Variants in KATNB1 observed in about 807,000 individuals in gnomAD.
The protein encoded by KATNB1 is katanin p80 WD40 repeat-containing subunit B1.
KATNB1 carries 38 observed loss-of-function variants against 82.3 expected under a neutral mutation model. That is an observed-to-expected ratio of 0.46 (90% CI 0.36 to 0.61). The LOEUF is 0.61. Among genes scored for constraint, KATNB1 ranks in the 20% least tolerant of loss-of-function variants. The pLI is 0.00. For synonymous variants in KATNB1, 361 were observed against 368.7 expected, an observed-to-expected ratio of 0.98 and a Z score of 0.24; for missense variants, 749 against 915.7, an observed-to-expected ratio of 0.82 and a Z score of 2.35.
intron 19 of KATNB1, 62 bp downstream of exon 19, chr16:57,756,534 G>A (rs2049285277): frequency 7.0e-7 from 1 of 1,431,426 alleles, no homozygotes; most frequent in Admixed American, 1.7e-5. Flanking sequence ...CAAAGGCCTG[G>A]AGGCCTGGGC....
rs537560681 is a variant in KATNB1 at position 57,754,036 on chromosome 16, C to T, written c.1228+41C>T. 1.3e-5 allele frequency: 20 copies of T among 1,538,056 alleles called. No homozygotes were observed. In the South Asian group the frequency reaches 1.7e-4, roughly 13 times the overall value. ...CTGGTTTCCCAAGGTCTCTGATGCC[C>T]CCCCGTCCCTCATCTTCTCTTCCTG... On this transcript the variant is annotated intron_variant, in intron 13 of 19. Transcript: ENST00000379661.
chr16:57,754,368 TG>T (rs1486135166), intron 13 of KATNB1, among the ~76,000 whole-genome samples: 1 of 151,984 alleles, frequency 6.6e-6, no homozygotes, highest in Non-Finnish European at 1.5e-5. Flanking sequence ...TGTCAAGGCC[TG>T]GGGGCCAGTG....
intron 12 of KATNB1, 104 bp downstream of exon 12, chr16:57,753,623 C>A: frequency 6.9e-7 from 1 of 1,444,116 alleles, no homozygotes; most frequent in South Asian, 1.3e-5. Flanking sequence ...CTTTAACTTC[C>A]TCCTAACCCA....
At chr16:57,756,509 C>G in intron 19 of KATNB1, 37 bp downstream of exon 19, 1 of 1,557,472 alleles carries the variant, frequency 6.4e-7, no homozygotes. Flanking sequence ...AGGGGTGCCA[C>G]AACAGGTGAG....
At position 57,753,861 on chromosome 16, in the gene KATNB1, C is replaced by T. The variant is rs544677238; in HGVS notation, c.1178-84C>T. On this transcript the variant is annotated intron_variant, in intron 12 of 19. Transcript: ENST00000379661. ...AGCCGCATGCCTGGGAGCTACCCTC[C>T]GTCCCCCGCACTCTGGACAGGGCCC... The T allele has an allele frequency of 6.5e-4, 849 of 1,307,878 alleles. 2 individuals are homozygous for T. Among genetic ancestry groups the T allele is most frequent in the Non-Finnish European group, 7.7e-4 (708 of 921,862 alleles). The allele number at this position is 1,307,878 out of a possible 1,614,324, so 81.0% of individuals were successfully genotyped here. A position where few individuals can be genotyped will look rare whatever the true frequency, so the allele number is the denominator to read the frequency against.
chr16:57,755,066 G>A, intron 14 of KATNB1, 53 bp from the exon 15 acceptor site: 1 of 1,613,278 alleles, frequency 6.2e-7, no homozygotes, highest in Non-Finnish European at 8.5e-7. Context: ...GGGTGCCTCG[G>A]GAGGCAGAGA....
intron 3 of KATNB1, among the ~76,000 whole-genome samples, chr16:57,742,047 G>T (rs1445000282): frequency 2.6e-5 from 4 of 152,222 alleles, no homozygotes; most frequent in Non-Finnish European, 5.9e-5. Flanking sequence ...TGGGACAGTG[G>T]CCAGCCCTCA....
chr16:57,741,614 A>G, intron 2 of KATNB1, 73 bp from the exon 3 acceptor site: 1 of 1,523,942 alleles, frequency 6.6e-7, no homozygotes, highest in Non-Finnish European at 8.9e-7. Flanking sequence ...CGGGTAGCCG[A>G]GCAGGGTCAC....
At position 57,756,970 on chromosome 16, in the gene KATNB1, C is replaced by A; in HGVS notation, c.*24C>A. On this transcript the variant is annotated 3_prime_UTR_variant, in exon 20 of 20. Transcript: ENST00000379661. ...GAGGAAAGCAGTGGGCAGGGGCGCTCGGCAGCCCACAGGGCCTGGCCTCAG... is the reference window on the plus strand; with the variant it reads ...GAGGAAAGCAGTGGGCAGGGGCGCTAGGCAGCCCACAGGGCCTGGCCTCAG... The A allele has an allele frequency of 6.7e-7, 1 of 1,491,282 alleles. No individual in the cohort carries two copies. Among genetic ancestry groups the A allele is most frequent in the South Asian group, 1.3e-5 (1 of 76,962 alleles). 92.4% of individuals were successfully genotyped at this position (1,491,282 alleles called of 1,614,324 possible).
chr16:57,752,094 G>C (rs1555583463), intron 8 of KATNB1, 39 bp downstream of exon 8: 1 of 1,293,844 alleles, frequency 7.7e-7, no homozygotes, highest in Admixed American at 1.7e-5. Context: ...TGTGACTGCT[G>C]TCCTTCACCG....
chr16:57,742,614 G>A (rs1470135372), intron 3 of KATNB1, among the ~76,000 whole-genome samples: 1 of 152,220 alleles, frequency 6.6e-6, no homozygotes. Context: ...AATGTTGTAA[G>A]GATTTGCCTG....
At chr16:57,736,380 G>A (rs962736879) in intron 1 of KATNB1, among the ~76,000 whole-genome samples, 4 of 152,138 alleles carry the variant, frequency 2.6e-5, no homozygotes, top group Non-Finnish European at 4.4e-5. Flanking sequence ...CTGTGGGAAG[G>A]AGGTGGGAGG....
intron 4 of KATNB1, 135 bp from the exon 5 acceptor site, chr16:57,750,692 T>TA (rs1555582777): frequency 1.4e-6 from 1 of 696,374 alleles, no homozygotes; most frequent in African/African-American, 1.8e-5. Flanking sequence ...CCTACTGTTT[T>TA]AAAAATGTGT....
At position 57,751,716 on chromosome 16, in the gene KATNB1, A is replaced by G. The variant is rs1555583204; in HGVS notation, c.508A>G (p.Thr170Ala). 1.9e-6 allele frequency: 3 copies of G among 1,609,868 alleles called. No homozygotes were observed. The highest frequency in any genetic ancestry group is 1.7e-6 in the Non-Finnish European group (2 of 1,179,990). ...KWLASAADDHTVKLWDLTAGK... is the reference protein window; with the variant it reads ...KWLASAADDHAVKLWDLTAGK... ...GTTGGCGTCGGCCGCAGATGACCAC[A>G]CCGTGAAGGTAGCTCCCGGCCTGAC... The change falls in exon 7 of 20, where the codon ACC (threonine) becomes GCC (alanine). Residue 170 changes from threonine to alanine, a missense_variant. Thr to Ala is a moderately conservative substitution (Grantham distance 58). Coordinates refer to ENST00000379661, the MANE Select transcript of KATNB1 (RefSeq NM_005886.3). The surrounding 1 kb of genome is among the most constrained non-coding windows in gnomAD (Gnocchi z 6.3).
chr16:57,743,050 T>G (rs1597824549), intron 3 of KATNB1, among the ~76,000 whole-genome samples: 1 of 152,204 alleles, frequency 6.6e-6, no homozygotes, highest in East Asian at 1.9e-4. Context: ...CCCAGCACTT[T>G]GGGAAGCTGA....
At chr16:57,742,393 A>G (rs1312381214) in intron 3 of KATNB1, among the ~76,000 whole-genome samples, 3 of 152,362 alleles carry the variant, frequency 2.0e-5, no homozygotes, top group Admixed American at 6.5e-5. Context: ...AAAATTAACT[A>G]CATATAGTTC....
In KATNB1 at chr16:57,736,985, T is replaced by C. The variant is rs1216457315; in HGVS notation, c.-259T>C. The stretch of plus-strand genomic sequence containing the variant: ...CTCTTGTTTGTATTGCAGCCCTGTA[T>C]TGAGCTGAGATGGCTCGAGCCTAAC... On this transcript the variant is annotated 5_prime_UTR_variant, in exon 2 of 20. Transcript: ENST00000379661. 1.4e-6 allele frequency: 1 copy of C among 690,952 alleles called. No individual in the cohort carries two copies. Among genetic ancestry groups the C allele is most frequent in the South Asian group, 1.5e-5 (1 of 66,652 alleles). 42.8% of individuals were successfully genotyped at this position (690,952 alleles called of 1,614,324 possible).
chr16:57,746,151 C>T (rs1156337179), intron 4 of KATNB1, among the ~76,000 whole-genome samples: 5 of 152,162 alleles, frequency 3.3e-5, no homozygotes, highest in African/African-American at 1.2e-4. Flanking sequence ...TCTGCTACCC[C>T]CATCATTTGC....
chr16:57,754,802 C>T (rs2049261954), intron 13 of KATNB1, 128 bp from the exon 14 acceptor site: 1 of 971,656 alleles, frequency 1.0e-6, no homozygotes, highest in South Asian at 1.4e-5. Context: ...CGCCACTGGC[C>T]TGCAGCCTCC....
Sources: gnomAD v4.1 joint callset for allele counts (sites outside exome capture counted in the v4.1 genomes callset) on GRCh38, gnomAD v4.1.1 for gene constraint, Gnocchi (gnomAD v3.1) non-coding constraint, MANE v1.5 for transcripts, NCBI Gene and HGNC (gene_info 2026-07-23, HGNC 2026-07-21) for gene names.